The following ABLIM1 variants were observed in gnomAD, a reference collection of about 807,000 sequenced individuals.
ABLIM1 encodes the protein actin-binding LIM protein 1.
A neutral mutation model predicts 107.0 loss-of-function variants in ABLIM1; 40 were observed. That is an observed-to-expected ratio of 0.37 (90% CI 0.29 to 0.49). The LOEUF (loss-of-function observed/expected upper bound fraction) is 0.49, where lower values mean the gene tolerates loss of function less well. ABLIM1 is among the 20% of genes least tolerant of loss of function. The pLI is 0.97. For missense variants in ABLIM1, 857 were observed against 1,008.5 expected, an observed-to-expected ratio of 0.85 and a Z score of 2.04; for synonymous variants, 357 against 357.3, an observed-to-expected ratio of 1.00 and a Z score of 0.01.
intron 1 of ABLIM1, among the ~76,000 whole-genome samples, chr10:114,622,757 T>C (rs2077549346): frequency 6.6e-6 from 1 of 152,104 alleles, no homozygotes; most frequent in South Asian, 2.1e-4. Flanking sequence ...AACCCTCCTC[T>C]TCTTCCTTCT....
intron 1 of ABLIM1, among the ~76,000 whole-genome samples, chr10:114,709,896 T>G (rs1412057848): frequency 6.6e-6 from 1 of 152,252 alleles, no homozygotes; most frequent in African/African-American, 2.4e-5. Context: ...CATAATTTTT[T>G]ATGCTTTTTC....
intron 1 of ABLIM1, among the ~76,000 whole-genome samples, chr10:114,613,425 C>A (rs1014407217): frequency 6.6e-6 from 1 of 152,150 alleles, no homozygotes. Context: ...GCATTTATAC[C>A]ATGGAAACTG....
Position 114,491,012 on chromosome 10 carries a change from G to GTGTGTGTGTATATA in ABLIM1, c.982+778_982+779insTATATACACACACA. On this transcript the variant is annotated intron_variant, in intron 7 of 22. Transcript: ENST00000533213. ...TGTGTGTGTGTGTGTGTGTGTGTGT[G>GTGTGTGTGTATATA]TATATATATATATGGTCTATTTTAT... Among the ~76,000 whole-genome samples the GTGTGTGTGTATATA allele has an allele frequency of 9.0e-3, 830 of 92,260 alleles. 8 individuals are homozygous for GTGTGTGTGTATATA. The highest frequency in any genetic ancestry group is 0.011 in the Non-Finnish European group (552 of 50,736). 60.5% of individuals were successfully genotyped at this position (92,260 alleles called of 152,430 possible).
Position 114,555,585 on chromosome 10 carries a change from G to A in ABLIM1, c.674-7809C>T, listed in dbSNP as rs565500414. Among the ~76,000 whole-genome samples, 21 of 152,214 alleles carry A rather than the reference G, an allele frequency of 1.4e-4. 1 individual carries two copies. The highest frequency in any genetic ancestry group is 1.0e-3 in the South Asian group (5 of 4,814). The stretch of plus-strand genomic sequence containing the variant: ...GTGTTCCTTCAAAGGTAAAGACTAC[G>A]TAGAGAACTATTGTGAACTGAATGT... On this transcript the variant is annotated intron_variant, in intron 4 of 22. Coordinates refer to ENST00000533213, the MANE Select transcript of ABLIM1 (RefSeq NM_002313.7).
At chr10:114,660,412 T>C (rs2079738628), upstream of ABLIM1, among the ~76,000 whole-genome samples, 2 of 148,772 alleles carry the variant, frequency 1.3e-5, no homozygotes, top group Admixed American at 6.8e-5. Flanking sequence ...ACCCATGTCA[T>C]CAAACATCAC....
the ABLIM1 span, among the ~76,000 whole-genome samples, chr10:114,798,820 G>A: frequency 1.1e-4 from 16 of 150,856 alleles, no homozygotes; most frequent in African/African-American, 2.2e-4. Flanking sequence ...TTTTTGAGAC[G>A]GAGTCTCGCT....
chr10:114,753,509 G>T (rs531248490), intron 1 of ABLIM1, among the ~76,000 whole-genome samples: 1 of 152,142 alleles, frequency 6.6e-6, no homozygotes, highest in Admixed American at 6.5e-5. Flanking sequence ...ATGATTGAAC[G>T]TTATGCAGTC....
chr10:114,481,161 A>G lies in ABLIM1; in HGVS notation c.1041+6797T>C, dbSNP rs114472096. ...CAAATACTAACCATTAAAAACACTT[A>G]CCAGAGCTCTGCCGGTTGAGTAAGT... On this transcript the variant is annotated intron_variant, in intron 8 of 22. Transcript: ENST00000533213. 6.5e-3 allele frequency among the ~76,000 whole-genome samples: 983 copies of G among 152,122 alleles called. 13 individuals carry two copies. The highest frequency in any genetic ancestry group is 0.023 in the African/African-American group (935 of 41,496).
At chr10:114,559,450 A>G (rs1311310762) in intron 4 of ABLIM1, among the ~76,000 whole-genome samples, 21 of 136,508 alleles carry the variant, frequency 1.5e-4, no homozygotes, top group South Asian at 4.5e-4. Context: ...AAAAAAAAAA[A>G]AAAAAAAAAA....
Position 114,491,852 on chromosome 10 carries a change from G to T in ABLIM1, c.921C>A (p.Ser307Arg). The change falls in exon 7 of 23, where the codon AGC becomes AGA. Residue 307 changes from serine (S) to arginine (R), a missense_variant. Transcript: ENST00000533213. ...GGTTGCATCTGCTGCATCGTGCACA[G>T]CTGGGGTGGTAATGTTTGTCACCTG... ...LEAGDKHYHPSCARCSRCNQM... is the reference protein window; with the variant it reads ...LEAGDKHYHPRCARCSRCNQM... 14 of 1,610,568 alleles carry T rather than the reference G, an allele frequency of 8.7e-6. No homozygotes were observed. The highest frequency in any genetic ancestry group is 1.2e-5 in the Non-Finnish European group (14 of 1,177,284).
chr10:114,538,944 T>G (rs1170702834), intron 6 of ABLIM1, among the ~76,000 whole-genome samples: 1 of 152,236 alleles, frequency 6.6e-6, no homozygotes, highest in African/African-American at 2.4e-5. Flanking sequence ...AGCCCAAGAC[T>G]AGGGGAAGAA....
At chr10:114,703,606 A>G (rs1332164584) in intron 1 of ABLIM1, among the ~76,000 whole-genome samples, 1 of 152,222 alleles carries the variant, frequency 6.6e-6, no homozygotes. Context: ...CTTAAAGACT[A>G]CAAGTGGCAC....
intron 2 of ABLIM1, among the ~76,000 whole-genome samples, chr10:114,598,840 T>C (rs979195613): frequency 1.3e-5 from 2 of 152,316 alleles, no homozygotes; most frequent in Admixed American, 1.3e-4. Flanking sequence ...GCTTGCATTT[T>C]TTTTTTAATT....
Position 114,436,182 on chromosome 10 carries a change from A to G in ABLIM1, c.*78T>C, listed in dbSNP as rs993609153. 11 of 1,168,222 alleles carry G rather than the reference A, an allele frequency of 9.4e-6. No individual in the cohort carries two copies. Among genetic ancestry groups the G allele is most frequent in the Middle Eastern group, 4.0e-4 (2 of 5,044 alleles). 72.4% of individuals were successfully genotyped at this position (1,168,222 alleles called of 1,614,324 possible). On this transcript the variant is annotated 3_prime_UTR_variant, in exon 23 of 23. Transcript: ENST00000533213. ...CGGTAGTTTGCAAATTCTCCAATCAAGTTTGGGCCTCAATATGACATCCTA... is the reference window on the plus strand; with the variant it reads ...CGGTAGTTTGCAAATTCTCCAATCAGGTTTGGGCCTCAATATGACATCCTA...
At chr10:114,764,807 G>A (rs957007624) in intron 1 of ABLIM1, 2 of 152,368 alleles carry the variant, frequency 1.3e-5, no homozygotes, top group Non-Finnish European at 2.9e-5. Context: ...TGAAAACACA[G>A]TAACTCCTCT....
chr10:114,545,374 G>A (rs2067195639), intron 5 of ABLIM1, among the ~76,000 whole-genome samples: 1 of 152,204 alleles, frequency 6.6e-6, no homozygotes, highest in Non-Finnish European at 1.5e-5. Context: ...CTGTCTCAGA[G>A]CTAACTAGCA....
chr10:114,524,584 C>CA (rs1405938450), intron 6 of ABLIM1, among the ~76,000 whole-genome samples: 2 of 151,746 alleles, frequency 1.3e-5, no homozygotes, highest in Non-Finnish European at 2.9e-5. Flanking sequence ...AACAAACAAA[C>CA]AACAACAACA....
intron 6 of ABLIM1, among the ~76,000 whole-genome samples, chr10:114,536,663 C>T (rs1453466712): frequency 1.3e-5 from 2 of 152,150 alleles, no homozygotes; most frequent in African/African-American, 4.8e-5. Context: ...CCACCTTTTG[C>T]TTAATTCATA....
At chr10:114,568,151 C>T (rs1054958629) in intron 4 of ABLIM1, among the ~76,000 whole-genome samples, 5 of 138,840 alleles carry the variant, frequency 3.6e-5, no homozygotes, top group African/African-American at 8.5e-5. Flanking sequence ...GATTGCGCCA[C>T]TGCAGTCCGC....
Sources: allele counts gnomAD v4.1 joint callset (sites outside exome capture counted in the v4.1 genomes callset), GRCh38; gene constraint gnomAD v4.1.1; transcripts MANE v1.5; gene names NCBI Gene and HGNC (gene_info 2026-07-23, HGNC 2026-07-21).